GRID1: variants seen among roughly 807,000 people sequenced by gnomAD.
GRID1 encodes the protein glutamate ionotropic receptor delta type subunit 1, also known as glutamate receptor ionotropic, delta-1.
A neutral mutation model predicts 98.0 loss-of-function variants in GRID1; 28 were observed. The observed-to-expected ratio is 0.29, with a 90% confidence interval of 0.21 to 0.39. GRID1 has a LOEUF of 0.39. Ranked by LOEUF, GRID1 falls within the 10% of genes least tolerant of loss-of-function variation. GRID1 has a pLI of 1.00. For missense variants in GRID1, 1,111 were observed against 1,340.5 expected (o/e 0.83, Z 2.67); for synonymous variants, 553 against 538.5 (o/e 1.03, Z -0.37).
Position 85,774,019 on chromosome 10 carries a change from C to T in GRID1, c.1234-44405G>A, listed in dbSNP as rs538951843. 8.5e-5 allele frequency among the ~76,000 whole-genome samples: 13 copies of T among 152,312 alleles called. No homozygotes were observed. In the East Asian group the frequency reaches 2.3e-3, roughly 27 times the overall value. On this transcript the variant is annotated intron_variant, in intron 8 of 15. Coordinates refer to ENST00000327946, the MANE Select transcript of GRID1 (RefSeq NM_017551.3). ...CAAAAGAGAGCCCGCATCGCCAAGTCAATCCTAAGCCAAAAGAACAAAGCT... is the reference window on the plus strand; with the variant it reads ...CAAAAGAGAGCCCGCATCGCCAAGTTAATCCTAAGCCAAAAGAACAAAGCT...
chr10:85,760,182 T>A (rs1320607088), intron 8 of GRID1, among the ~76,000 whole-genome samples: 1 of 152,208 alleles, frequency 6.6e-6, no homozygotes, highest in Non-Finnish European at 1.5e-5. Flanking sequence ...CCTGCTGACT[T>A]AAGTTTGTTT....
intron 12 of GRID1, among the ~76,000 whole-genome samples, chr10:85,685,212 T>C (rs1841255193): frequency 6.6e-6 from 1 of 152,192 alleles, no homozygotes; most frequent in African/African-American, 2.4e-5. Context: ...TTAAAATTAA[T>C]AAGCCTATTC....
At chr10:86,342,160 C>T (rs1159212760) in intron 2 of GRID1, among the ~76,000 whole-genome samples, 1 of 152,154 alleles carries the variant, frequency 6.6e-6, no homozygotes, top group Non-Finnish European at 1.5e-5. Context: ...AGTGGGGGCT[C>T]CAAACCAAGT....
chr10:85,880,992 G>C (rs904081632), intron 5 of GRID1, among the ~76,000 whole-genome samples: 2 of 152,146 alleles, frequency 1.3e-5, no homozygotes, highest in African/African-American at 4.8e-5. Flanking sequence ...GACAAACAGA[G>C]AGCCAAATCA....
chr10:86,276,915 C>G (rs1847279897), intron 2 of GRID1, among the ~76,000 whole-genome samples: 1 of 151,986 alleles, frequency 6.6e-6, no homozygotes, highest in East Asian at 1.9e-4. Flanking sequence ...CAATACTGTC[C>G]TTTTTCAAAA....
At chr10:85,738,024 G>C (rs73328661) in intron 8 of GRID1, among the ~76,000 whole-genome samples, 5 of 151,860 alleles carry the variant, frequency 3.3e-5, no homozygotes, top group African/African-American at 1.2e-4. Flanking sequence ...CAGGATCCCC[G>C]GGCCCTAGAC....
chr10:86,065,326 G>T (rs1843705089), intron 4 of GRID1, among the ~76,000 whole-genome samples: 1 of 152,342 alleles, frequency 6.6e-6, no homozygotes, highest in Non-Finnish European at 1.5e-5. Context: ...CCCTCCAGGG[G>T]ATTATGATAC....
At chr10:86,298,707 C>T (rs547909651) in intron 2 of GRID1, among the ~76,000 whole-genome samples, 120 of 152,308 alleles carry the variant, frequency 7.9e-4, no homozygotes, top group African/African-American at 2.8e-3. Context: ...AATCCCACTC[C>T]ACCCCTACGG....
chr10:85,975,296 T>C (rs1374002524), intron 4 of GRID1, among the ~76,000 whole-genome samples: 1 of 152,238 alleles, frequency 6.6e-6, no homozygotes, highest in African/African-American at 2.4e-5. Flanking sequence ...TTTGAAATCC[T>C]CCTTGCTGAG....
intron 3 of GRID1, among the ~76,000 whole-genome samples, chr10:86,160,122 C>T (rs578066816): frequency 6.6e-6 from 1 of 152,086 alleles, no homozygotes; most frequent in Non-Finnish European, 1.5e-5. Flanking sequence ...AACACCAAGC[C>T]CTCAACTGGG....
At chr10:85,992,038 G>T (rs1842686590) in intron 4 of GRID1, among the ~76,000 whole-genome samples, 2 of 152,148 alleles carry the variant, frequency 1.3e-5, no homozygotes, top group African/African-American at 4.8e-5. Flanking sequence ...AGTGGCTGTT[G>T]CAAGAACACT....
intron 13 of GRID1, among the ~76,000 whole-genome samples, chr10:85,636,774 C>T (rs1843048677): frequency 6.6e-6 from 1 of 151,848 alleles, no homozygotes; most frequent in South Asian, 2.1e-4. Flanking sequence ...TCTTTTGATC[C>T]CAAAACTAAT....
At chr10:86,259,844 A>G (rs1846985121) in intron 2 of GRID1, among the ~76,000 whole-genome samples, 1 of 152,332 alleles carries the variant, frequency 6.6e-6, no homozygotes, top group East Asian at 1.9e-4. Flanking sequence ...AGTGATCAAG[A>G]AGTCCCTGAG....
chr10:85,900,885 G>C (rs1841372229), intron 5 of GRID1, among the ~76,000 whole-genome samples: 1 of 152,206 alleles, frequency 6.6e-6, no homozygotes, highest in African/African-American at 2.4e-5. Flanking sequence ...GAAGGAAAAA[G>C]ATAAGGATCA....
At chr10:85,736,382 C>T (rs569892459) in intron 8 of GRID1, among the ~76,000 whole-genome samples, 349 of 152,218 alleles carry the variant, frequency 2.3e-3, no homozygotes, top group Middle Eastern at 0.01. Flanking sequence ...TTAATAATAT[C>T]CAACAAGACA....
At chr10:86,252,867 AAGG>A (rs557083079) in intron 2 of GRID1, among the ~76,000 whole-genome samples, 134 of 152,330 alleles carry the variant, frequency 8.8e-4, no homozygotes, top group Non-Finnish European at 1.6e-3. Flanking sequence ...CATAAATGTA[AAGG>A]AGGAGTGTTT....
chr10:85,692,150 C>T (rs1386199673), intron 12 of GRID1, among the ~76,000 whole-genome samples: 1 of 152,112 alleles, frequency 6.6e-6, no homozygotes, highest in African/African-American at 2.4e-5. Flanking sequence ...CACCTACTGG[C>T]TCTAGGAGAT....
chr10:85,758,694 T>G (rs1204516985), intron 8 of GRID1, among the ~76,000 whole-genome samples: 1 of 152,182 alleles, frequency 6.6e-6, no homozygotes, highest in Admixed American at 6.5e-5. Context: ...GCGTGGGTAC[T>G]GGGAGGTATG....
intron 12 of GRID1, among the ~76,000 whole-genome samples, chr10:85,700,616 T>C (rs537074135): frequency 1.3e-5 from 2 of 152,310 alleles, no homozygotes; most frequent in Admixed American, 1.3e-4. Flanking sequence ...TCTGCTGTCA[T>C]CATTATAGCA....
Sources: gnomAD v4.1 joint callset for allele counts (sites outside exome capture counted in the v4.1 genomes callset) on GRCh38, gnomAD v4.1.1 for gene constraint, MANE v1.5 for transcripts, NCBI Gene and HGNC (gene_info 2026-07-23, HGNC 2026-07-21) for gene names.